TRMT11: variants seen among roughly 807,000 people sequenced by gnomAD.
The protein encoded by TRMT11 is tRNA methyltransferase 11.
TRMT11 carries 53 observed loss-of-function variants against 62.8 expected under a neutral mutation model. That is an observed-to-expected ratio of 0.84 (90% CI 0.68 to 1.06). The LOEUF (loss-of-function observed/expected upper bound fraction) is 1.06. TRMT11 is among the 50% of genes least tolerant of loss of function. The probability of loss-of-function intolerance (pLI) is 0.00; values close to 1 mark genes in which losing one functional copy is unlikely to be tolerated. For synonymous variants in TRMT11, 188 were observed against 190.3 expected, an observed-to-expected ratio of 0.99 and a Z score of 0.10; for missense variants, 556 against 553.4, an observed-to-expected ratio of 1.00 and a Z score of -0.05.
intron 11 of TRMT11, among the ~76,000 whole-genome samples, chr6:126,013,883 A>G (rs903213898): frequency 1.3e-5 from 2 of 152,168 alleles, no homozygotes; most frequent in Non-Finnish European, 2.9e-5. Flanking sequence ...TTGCCAGTCT[A>G]TAGATGTAAT....
chr6:126,094,092 TACACACAC>T (rs113557278), intron 17 of TRMT11, among the ~76,000 whole-genome samples: 287 of 147,878 alleles, frequency 1.9e-3, no homozygotes, highest in African/African-American at 6.8e-3. Context: ...GAAAATGTGA[TACACACAC>T]ACACACACAC....
the TRMT11 span, among the ~76,000 whole-genome samples, chr6:126,269,392 CACAGA>C: frequency 6.7e-6 from 1 of 149,624 alleles, no homozygotes; most frequent in Admixed American, 6.6e-5. Flanking sequence ...ACCAAATACA[CACAGA>C]AATTTTAAAA....
At chr6:126,175,260 T>G (rs182567444), upstream of TRMT11, among the ~76,000 whole-genome samples, 208 of 152,288 alleles carry the variant, frequency 1.4e-3, no homozygotes, top group African/African-American at 4.8e-3. Flanking sequence ...TATAGCTTGA[T>G]CTACTTTGAG....
chr6:126,010,539 T>G (rs1299416326), intron 8 of TRMT11, among the ~76,000 whole-genome samples: 1 of 152,068 alleles, frequency 6.6e-6, no homozygotes, highest in African/African-American at 2.4e-5. Context: ...AGTATAAGAT[T>G]ATATGCTGAT....
intron 17 of TRMT11, among the ~76,000 whole-genome samples, chr6:126,090,044 G>GAGT (rs1777257061): frequency 6.6e-6 from 1 of 152,056 alleles, no homozygotes; most frequent in Non-Finnish European, 1.5e-5. Context: ...CCTCCCCTTG[G>GAGT]CCATGTCTGT....
chr6:126,200,081 C>T (rs960837542), intron 3 of TRMT11, among the ~76,000 whole-genome samples: 1 of 152,116 alleles, frequency 6.6e-6, no homozygotes, highest in African/African-American at 2.4e-5. Context: ...CAGGGCCTAA[C>T]CAACTTGTAA....
the TRMT11 span, among the ~76,000 whole-genome samples, chr6:126,259,378 G>C: frequency 6.6e-6 from 1 of 152,148 alleles, no homozygotes; most frequent in African/African-American, 2.4e-5. Context: ...TGCATTTTTA[G>C]TAGAGACGGG....
At chr6:126,260,249 A>G in the TRMT11 span, among the ~76,000 whole-genome samples, 11 of 152,280 alleles carry the variant, frequency 7.2e-5, no homozygotes, top group Middle Eastern at 6.8e-3. Context: ...CTGGGCTAAC[A>G]TAAAGAGTCT....
intron 1 of TRMT11, among the ~76,000 whole-genome samples, chr6:126,185,163 T>G (rs1242294635): frequency 1.3e-5 from 2 of 152,146 alleles, no homozygotes; most frequent in Non-Finnish European, 2.9e-5. Context: ...CCCCTGGAAA[T>G]AAGTCACATT....
intron 1 of TRMT11, among the ~76,000 whole-genome samples, chr6:126,180,446 A>T (rs779037787): frequency 2.0e-5 from 3 of 152,168 alleles, no homozygotes; most frequent in Non-Finnish European, 4.4e-5. Context: ...TTTAGCAAGG[A>T]TGTGTAGTTT....
intron 1 of TRMT11, among the ~76,000 whole-genome samples, chr6:126,194,922 C>G (rs930990382): frequency 1.3e-5 from 2 of 151,908 alleles, no homozygotes; most frequent in Admixed American, 6.6e-5. Flanking sequence ...TGAGATCAGC[C>G]CGAGCAACAT....
At chr6:126,102,424 C>T (rs541271406) in intron 17 of TRMT11, among the ~76,000 whole-genome samples, 1 of 151,864 alleles carries the variant, frequency 6.6e-6, no homozygotes, top group South Asian at 2.1e-4. Context: ...CAGCCTCCTG[C>T]GATGCTGGCC....
chr6:126,093,623 A>ATTTTTTTTTTT (rs1301464523), intron 17 of TRMT11, among the ~76,000 whole-genome samples: 2 of 101,198 alleles, frequency 2.0e-5, no homozygotes, highest in African/African-American at 1.1e-4. Context: ...ATATATATAT[A>ATTTTTTTTTTT]TATATATATT....
intron 17 of TRMT11, among the ~76,000 whole-genome samples, chr6:126,063,736 G>A (rs1445654310): frequency 1.3e-5 from 2 of 152,200 alleles, no homozygotes; most frequent in Non-Finnish European, 2.9e-5. Flanking sequence ...CTAGACAGAA[G>A]TTGTCATTCC....
At chr6:126,233,727 A>G in the TRMT11 span, among the ~76,000 whole-genome samples, 1 of 152,174 alleles carries the variant, frequency 6.6e-6, no homozygotes, top group South Asian at 2.1e-4. Flanking sequence ...TGAAATCAGA[A>G]GAAAAGGAGT....
chr6:126,065,823 C>T (rs1394504335), intron 17 of TRMT11, among the ~76,000 whole-genome samples: 3 of 152,116 alleles, frequency 2.0e-5, no homozygotes, highest in South Asian at 2.1e-4. Context: ...AGATTGGGAG[C>T]GTTGAGGGTG....
the TRMT11 span, among the ~76,000 whole-genome samples, chr6:126,255,681 T>C: frequency 1.3e-5 from 2 of 152,332 alleles, no homozygotes; most frequent in East Asian, 1.9e-4. Flanking sequence ...GCAATGACCC[T>C]TGGGCTCCTG....
At chr6:126,057,867 C>G (rs780111601) in intron 17 of TRMT11, among the ~76,000 whole-genome samples, 9 of 152,134 alleles carry the variant, frequency 5.9e-5, no homozygotes, top group South Asian at 2.1e-4. Context: ...CAGAGTCTTT[C>G]TATTAGAGCA....
intron 17 of TRMT11, among the ~76,000 whole-genome samples, chr6:126,060,179 G>C (rs1044676963): frequency 3.3e-5 from 5 of 152,114 alleles, no homozygotes; most frequent in Non-Finnish European, 4.4e-5. Flanking sequence ...TCATGAGCAG[G>C]TTCTGTTTTA....
Sources: gnomAD v4.1 joint callset for allele counts (sites outside exome capture counted in the v4.1 genomes callset) on GRCh38, gnomAD v4.1.1 for gene constraint, MANE v1.5 for transcripts, NCBI Gene and HGNC (gene_info 2026-07-23, HGNC 2026-07-21) for gene names.